Variants in ADAMTS12 observed in about 807,000 individuals in gnomAD.
ADAMTS12 encodes the protein ADAM metallopeptidase with thrombospondin type 1 motif 12.
Under a neutral mutation model 167.8 loss-of-function variants are expected in ADAMTS12, and 118 were observed. The ratio of observed to expected loss-of-function variants is 0.70; its 90% CI spans 0.61 to 0.82. ADAMTS12 has a LOEUF of 0.82. Among genes scored for constraint, ADAMTS12 ranks in the 40% least tolerant of loss-of-function variants. The pLI, the probability that ADAMTS12 is intolerant of heterozygous loss-of-function variation, is 0.00. For synonymous variants in ADAMTS12, 704 were observed against 716.9 expected (o/e 0.98, Z 0.29); for missense variants, 1,916 against 1,998.8 (o/e 0.96, Z 0.79).
At chr5:33,707,521 C>T (rs960828191) in intron 3 of ADAMTS12, among the ~76,000 whole-genome samples, 1 of 152,116 alleles carries the variant, frequency 6.6e-6, no homozygotes, top group South Asian at 2.1e-4. Flanking sequence ...AAGAACAAAG[C>T]TGGAGGCATC....
At chr5:33,598,113 T>A (rs1412698300) in intron 16 of ADAMTS12, among the ~76,000 whole-genome samples, 3 of 152,186 alleles carry the variant, frequency 2.0e-5, no homozygotes, top group Non-Finnish European at 2.9e-5. Context: ...GCAGATGTCA[T>A]CAAGGGCAAA....
At chr5:33,545,394 T>A (rs929148527) in intron 22 of ADAMTS12, among the ~76,000 whole-genome samples, 1 of 152,160 alleles carries the variant, frequency 6.6e-6, no homozygotes, top group Non-Finnish European at 1.5e-5. Flanking sequence ...GAAATAGGAA[T>A]GCTTTTACGC....
intron 14 of ADAMTS12, among the ~76,000 whole-genome samples, chr5:33,616,923 T>A (rs1418242266): frequency 6.6e-6 from 1 of 152,212 alleles, no homozygotes; most frequent in Non-Finnish European, 1.5e-5. Flanking sequence ...TGCTAAACAT[T>A]TTATGCATTC....
chr5:33,576,807 T>C lies in ADAMTS12; in HGVS notation c.3219A>G (p.Gln1073=). The C allele has an allele frequency of 3.1e-6, 5 of 1,613,960 alleles. No homozygotes were observed. The highest frequency in any genetic ancestry group is 4.2e-6 in the Non-Finnish European group (5 of 1,179,954). ...TGAGATAGCGAGAGCTCAGCTCAGG[T>C]TGGGTTGAGCTATCTTGCCACTGTT... The part of the protein sequence containing the change: ...GGKQWQDSST[Q]PELSSRYLIS... Residue 1073 remains glutamine (Q), a synonymous_variant, in exon 19 of 24, where the codon CAA becomes CAG. Coordinates refer to ENST00000504830, the MANE Select transcript of ADAMTS12 (RefSeq NM_030955.4).
chr5:33,624,993 G>A (rs542504359), intron 13 of ADAMTS12, among the ~76,000 whole-genome samples: 6 of 152,098 alleles, frequency 3.9e-5, no homozygotes, highest in African/African-American at 4.8e-5. Flanking sequence ...AGGAAGAATC[G>A]TTTGAATCTC....
intron 18 of ADAMTS12, among the ~76,000 whole-genome samples, chr5:33,582,794 G>A (rs546658358): frequency 3.3e-5 from 5 of 152,216 alleles, no homozygotes; most frequent in South Asian, 4.1e-4. Flanking sequence ...CAAGTGAAAC[G>A]TAACTTTTGC....
intron 5 of ADAMTS12, among the ~76,000 whole-genome samples, chr5:33,676,812 G>A (rs750955788): frequency 1.4e-4 from 21 of 151,994 alleles, no homozygotes; most frequent in Non-Finnish European, 2.6e-4. Flanking sequence ...CTGGGGGGAG[G>A]GGTAAACCAC....
intron 12 of ADAMTS12, 144 bp from the exon 13 acceptor site, chr5:33,631,057 T>A: frequency 1.1e-6 from 1 of 904,212 alleles, no homozygotes; most frequent in Non-Finnish European, 1.6e-6. Context: ...CATGCTGAAA[T>A]ATGCCTCAAG....
intron 18 of ADAMTS12, among the ~76,000 whole-genome samples, chr5:33,584,582 T>G (rs1445353942): frequency 6.6e-6 from 1 of 152,188 alleles, no homozygotes; most frequent in Non-Finnish European, 1.5e-5. Flanking sequence ...AAAACAGACT[T>G]TTGTCTTCTT....
At chr5:33,717,866 G>C (rs1743668573) in intron 3 of ADAMTS12, among the ~76,000 whole-genome samples, 1 of 152,178 alleles carries the variant, frequency 6.6e-6, no homozygotes, top group Non-Finnish European at 1.5e-5. Context: ...ATTTGCAATA[G>C]TAAGAAAAGA....
intron 16 of ADAMTS12, among the ~76,000 whole-genome samples, chr5:33,597,646 G>C (rs1737963487): frequency 6.6e-6 from 1 of 151,914 alleles, no homozygotes; most frequent in Admixed American, 6.6e-5. Flanking sequence ...GTCAGAGGGA[G>C]TTGCAAAACA....
At position 33,891,850 on chromosome 5, in the gene ADAMTS12, A is replaced by G; in HGVS notation, c.7T>C (p.Cys3Arg). The change falls in exon 1 of 24, where the codon TGT becomes CGT. Residue 3 changes from cysteine to arginine, a missense_variant. By Grantham distance (180) the Cys-to-Arg change is radical. Coordinates refer to ENST00000504830, the MANE Select transcript of ADAMTS12 (RefSeq NM_030955.4). ...TTTGCAAGCCAGCTCCTCTGGGCAC[A>G]TGGCATGATTCAGATGTTGAGGAGA... is the stretch of plus-strand genomic sequence containing the variant. MP[C>R]AQRSWLANLS... 6.2e-7 allele frequency: 1 copy of G among 1,613,976 alleles called. No individual in the cohort carries two copies. Among genetic ancestry groups the G allele is most frequent in the Non-Finnish European group, 8.5e-7 (1 of 1,179,952 alleles).
intron 2 of ADAMTS12, among the ~76,000 whole-genome samples, chr5:33,858,408 G>A (rs950442595): frequency 1.3e-5 from 2 of 152,228 alleles, no homozygotes; most frequent in Non-Finnish European, 2.9e-5. Context: ...TATAATCCCA[G>A]CACTTTGAAA....
At position 33,731,097 on chromosome 5, in the gene ADAMTS12, T is replaced by C. The variant is rs1476151297; in HGVS notation, c.634+20307A>G. Reference sequence around the variant, plus strand: ...TGTTTGTAGAGGATTTAGCTCAATGTCATGCATATAATAAATAATTTATTT... The same window carrying C: ...TGTTTGTAGAGGATTTAGCTCAATGCCATGCATATAATAAATAATTTATTT... On this transcript the variant is annotated intron_variant, in intron 3 of 23. Transcript: ENST00000504830. Among the ~76,000 whole-genome samples the C allele has an allele frequency of 6.6e-5, 10 of 152,236 alleles. No individual in the cohort carries two copies. In the South Asian group the frequency reaches 1.2e-3, roughly 19 times the overall value.
chr5:33,751,643 A>AT, intron 2 of ADAMTS12, 95 bp from the exon 3 acceptor site: 1 of 1,266,718 alleles, frequency 7.9e-7, no homozygotes, highest in Non-Finnish European at 1.1e-6. Flanking sequence ...AGTATCTCTG[A>AT]AACTCCTAAG....
At chr5:33,686,765 CTATA>C (rs111686215) in intron 3 of ADAMTS12, among the ~76,000 whole-genome samples, 1 of 146,174 alleles carries the variant, frequency 6.8e-6, no homozygotes, top group African/African-American at 2.5e-5. Context: ...ACCTCTCTCT[CTATA>C]TATATATATA....
intron 5 of ADAMTS12, among the ~76,000 whole-genome samples, chr5:33,676,293 C>T (rs1741899791): frequency 6.6e-6 from 1 of 152,092 alleles, no homozygotes; most frequent in African/African-American, 2.4e-5. Context: ...ATTGATTTCT[C>T]TTGGAATTTC....
At chr5:33,558,923 A>G (rs1373323137) in intron 20 of ADAMTS12, among the ~76,000 whole-genome samples, 1 of 152,224 alleles carries the variant, frequency 6.6e-6, no homozygotes, top group Admixed American at 6.5e-5. Context: ...AAGAAAAATT[A>G]TATAGAAAGA....
At chr5:33,759,100 A>T (rs1362750670) in intron 2 of ADAMTS12, among the ~76,000 whole-genome samples, 1 of 152,218 alleles carries the variant, frequency 6.6e-6, no homozygotes, top group Non-Finnish European at 1.5e-5. Flanking sequence ...GCTGGAAGCC[A>T]TGGCCGAGGC....
Sources: gnomAD v4.1 joint callset for allele counts (sites outside exome capture counted in the v4.1 genomes callset) on GRCh38, gnomAD v4.1.1 for gene constraint, MANE v1.5 for transcripts, NCBI Gene and HGNC (gene_info 2026-07-23, HGNC 2026-07-21) for gene names.